Variants in ALMS1 observed in about 807,000 individuals in gnomAD.
The protein encoded by ALMS1 is ALMS1 centrosome and basal body associated protein.
A neutral mutation model predicts 352.2 loss-of-function variants in ALMS1; 271 were observed. The ratio of observed to expected loss-of-function variants is 0.77; its 90% confidence interval spans 0.70 to 0.85. ALMS1 has a LOEUF of 0.85. Ranked by LOEUF, ALMS1 falls within the 40% of genes least tolerant of loss-of-function variation. The probability of loss-of-function intolerance (pLI) is 0.00; values close to 1 mark genes in which losing one functional copy is unlikely to be tolerated. For missense variants in ALMS1, 5,445 were observed against 4,870.7 expected (o/e 1.12, Z -3.51); for synonymous variants, 1,865 against 1,761.2 (o/e 1.06, Z -1.48).
chr2:73,584,500 T>G (rs1675265170), intron 16 of ALMS1, among the ~76,000 whole-genome samples: 1 of 152,202 alleles, frequency 6.6e-6, no homozygotes, highest in Non-Finnish European at 1.5e-5. Flanking sequence ...ACTATTACCT[T>G]TATGTACCAG....
intron 10 of ALMS1, among the ~76,000 whole-genome samples, chr2:73,501,082 T>C (rs1002606349): frequency 6.6e-6 from 1 of 152,210 alleles, no homozygotes; most frequent in Non-Finnish European, 1.5e-5. Flanking sequence ...TGTATTTCCA[T>C]GATGACTAAT....
In ALMS1 at chr2:73,534,927, C is replaced by T. The variant is rs1455531770; in HGVS notation, c.9885C>T (p.Thr3295=). 2 of 1,613,588 alleles carry T rather than the reference C, an allele frequency of 1.2e-6. No homozygotes were observed. The highest frequency in any genetic ancestry group is 2.7e-5 in the African/African-American group (2 of 74,888). Residue 3295 remains threonine, a synonymous_variant, in exon 12 of 23, where the codon ACC becomes ACT. Transcript: ENST00000613296. ...IPPSPDSKSD[T]TVESSHSGSN... is the part of the protein sequence containing the mutation. ...CATCTCCGGATTCCAAATCAGATAC[C>T]ACCGTTGAAAGCTCCCATTCAGGTA...
intron 10 of ALMS1, among the ~76,000 whole-genome samples, chr2:73,498,511 T>TTGTGTG (rs111770942): frequency 1.3e-5 from 2 of 150,204 alleles, no homozygotes; most frequent in Non-Finnish European, 3.0e-5. Context: ...TCTTTCTATT[T>TTGTGTG]TGTGTGTGTG....
At chr2:73,577,036 C>CTG (rs1213192370) in intron 16 of ALMS1, among the ~76,000 whole-genome samples, 1 of 152,124 alleles carries the variant, frequency 6.6e-6, no homozygotes, top group East Asian at 1.9e-4. Context: ...TGTTCATATG[C>CTG]TGCTGGATTC....
chr2:73,535,488 C>T (rs1573001451), intron 12 of ALMS1, among the ~76,000 whole-genome samples: 1 of 152,288 alleles, frequency 6.6e-6, no homozygotes, highest in South Asian at 2.1e-4. Context: ...ATTGGACCCT[C>T]TTATTTTCTG....
At chr2:73,491,778 G>A (rs1228060515) in intron 10 of ALMS1, among the ~76,000 whole-genome samples, 2 of 152,162 alleles carry the variant, frequency 1.3e-5, no homozygotes, top group African/African-American at 4.8e-5. Context: ...ATCATCCAAT[G>A]ATACAATTAC....
At chr2:73,571,646 T>C (rs1396816915) in intron 15 of ALMS1, among the ~76,000 whole-genome samples, 1 of 151,912 alleles carries the variant, frequency 6.6e-6, no homozygotes, top group Non-Finnish European at 1.5e-5. Context: ...CCATAGAAAA[T>C]TGTAAGATAT....
rs755823751 is a variant in ALMS1, at chr2:73,490,632, C to A, written c.8673C>A (p.Ser2891Arg). ...AACAACGAGAGCTCTTTGAACAAAG[C>A]AAAGCCCCACGTGCAGATGACCATG... is the stretch of plus-strand genomic sequence containing the variant. The part of the protein sequence containing the change: ...FLEQRELFEQ[S>R]KAPRADDHVR... The change falls in exon 10 of 23, where the codon AGC (serine) becomes AGA (arginine). Residue 2891 changes from serine (S) to arginine (R), a missense_variant. Transcript: ENST00000613296. The A allele has an allele frequency of 5.0e-6, 8 of 1,614,036 alleles. No homozygotes were observed. Among genetic ancestry groups the A allele is most frequent in the African/African-American group, 4.0e-5 (3 of 74,926 alleles).
In ALMS1 at chr2:73,572,950, G is replaced by A. The variant is rs1421582809; in HGVS notation, c.11073G>A (p.Glu3691=). 1.2e-6 allele frequency: 2 copies of A among 1,613,946 alleles called. No individual in the cohort carries two copies. The highest frequency in any genetic ancestry group is 1.7e-6 in the Non-Finnish European group (2 of 1,180,002). ...SLEKSHKNTG[E]LKKSKVLSHH... is the part of the protein sequence containing the mutation. ...AGAAAAGCCATAAAAATACAGGCGA[G>A]CTTAAAAAAAGCAAGGTGCTTTCTC... is the stretch of plus-strand genomic sequence containing the variant. Residue 3691 remains glutamate, a synonymous_variant, in exon 16 of 23, where the codon GAG becomes GAA. Coordinates refer to ENST00000613296, the MANE Select transcript of ALMS1 (RefSeq NM_001378454.1).
chr2:73,506,514 GTTGTATTCCTA>G (rs2103931955), intron 10 of ALMS1, among the ~76,000 whole-genome samples: 1 of 152,286 alleles, frequency 6.6e-6, no homozygotes, highest in East Asian at 1.9e-4. Flanking sequence ...TCCATTGAAT[GTTGTATTCCTA>G]GGTATTTTAT....
intron 9 of ALMS1, among the ~76,000 whole-genome samples, chr2:73,478,557 C>G (rs538118624): frequency 2.4e-4 from 36 of 152,100 alleles, no homozygotes; most frequent in African/African-American, 8.4e-4. Context: ...CAATAAGAAG[C>G]CACAGAATAA....
chr2:73,435,993 ATTTG>A (rs1020300698), intron 7 of ALMS1, among the ~76,000 whole-genome samples: 41 of 152,192 alleles, frequency 2.7e-4, no homozygotes, highest in African/African-American at 9.6e-4. Flanking sequence ...TACTAGCACT[ATTTG>A]TTTTGTTATG....
chr2:73,550,250 T>C lies in ALMS1; in HGVS notation c.9908-17T>C, dbSNP rs747561977. The C allele has an allele frequency of 2.5e-6, 4 of 1,613,880 alleles. No homozygotes were observed. Among genetic ancestry groups the C allele is most frequent in the Non-Finnish European group, 3.4e-6 (4 of 1,179,904 alleles). Reference sequence around the variant, plus strand: ...GTCGCTATTTGTGTTTTGTATTACTTCCCCGTTTTTCTGTAGGATCCAATG... The same window carrying C: ...GTCGCTATTTGTGTTTTGTATTACTCCCCCGTTTTTCTGTAGGATCCAATG... On this transcript the variant is annotated splice_polypyrimidine_tract_variant and intron_variant, in intron 12 of 22. Coordinates refer to ENST00000613296, the MANE Select transcript of ALMS1 (RefSeq NM_001378454.1).
intron 16 of ALMS1, among the ~76,000 whole-genome samples, chr2:73,576,871 C>T (rs951303082): frequency 6.6e-6 from 1 of 152,110 alleles, no homozygotes; most frequent in Non-Finnish European, 1.5e-5. Context: ...ATCCACCCCC[C>T]TCAGTCTCCC....
chr2:73,452,183 A>G lies in ALMS1; in HGVS notation c.5656A>G (p.Thr1886Ala), dbSNP rs886043799. The change falls in exon 8 of 23, where the codon ACT becomes GCT. Residue 1886 changes from threonine (T) to alanine (A), a missense_variant. Physicochemically the swap from Thr to Ala is moderately conservative, Grantham distance 58. Coordinates refer to ENST00000613296, the MANE Select transcript of ALMS1 (RefSeq NM_001378454.1). The stretch of plus-strand genomic sequence containing the variant: ...GGTTCCTGGGCCTGCTGACCAGAAG[A>G]CTGGGATACAAATAGCATCCTCTAG... ...IGVPGPADQK[T>A]GIQIASSSSY... 16 of 1,613,044 alleles carry G rather than the reference A, an allele frequency of 9.9e-6. No homozygotes were observed. The highest frequency in any genetic ancestry group is 1.4e-5 in the Non-Finnish European group (16 of 1,179,486).
At chr2:73,607,806 C>T (rs558601441) in intron 21 of ALMS1, among the ~76,000 whole-genome samples, 2 of 150,900 alleles carry the variant, frequency 1.3e-5, no homozygotes, top group East Asian at 3.9e-4. Flanking sequence ...ACCATGCCCA[C>T]CTAATTTTTT....
At chr2:73,395,123 C>T (rs868100566) in intron 1 of ALMS1, among the ~76,000 whole-genome samples, 10 of 135,170 alleles carry the variant, frequency 7.4e-5, no homozygotes, top group Admixed American at 4.7e-4. Context: ...GCTCTGTCAC[C>T]GAGGCTGGAG....
At chr2:73,400,011 C>T (rs925273710) in intron 1 of ALMS1, among the ~76,000 whole-genome samples, 11 of 147,694 alleles carry the variant, frequency 7.4e-5, no homozygotes, top group Non-Finnish European at 1.6e-4. Flanking sequence ...CATCTTGGCT[C>T]ACTGCAACCT....
intron 15 of ALMS1, among the ~76,000 whole-genome samples, chr2:73,559,869 C>T (rs1486818903): frequency 6.6e-6 from 1 of 152,126 alleles, no homozygotes; most frequent in Non-Finnish European, 1.5e-5. Context: ...ACACCACATA[C>T]AAAAGTTAAC....
Sources: allele counts gnomAD v4.1 joint callset (sites outside exome capture counted in the v4.1 genomes callset), GRCh38; gene constraint gnomAD v4.1.1; transcripts MANE v1.5; gene names NCBI Gene and HGNC (gene_info 2026-07-23, HGNC 2026-07-21).